The following KSR2 variants were observed in gnomAD, a reference collection of about 807,000 sequenced individuals.
KSR2 encodes the protein kinase suppressor of ras 2.
A neutral mutation model predicts 107.8 loss-of-function variants in KSR2; 25 were observed. That is an observed-to-expected ratio of 0.23 (90% confidence interval 0.17 to 0.32). KSR2 has a LOEUF of 0.32. KSR2 is among the 10% of genes least tolerant of loss of function. KSR2 has a pLI of 1.00. For missense variants in KSR2, 887 were observed against 1,268.9 expected (o/e 0.70, Z 4.57); for synonymous variants, 480 against 507.0 (o/e 0.95, Z 0.71).
chr12:117,941,923 G>A (rs1480624429), intron 1 of KSR2, among the ~76,000 whole-genome samples: 2 of 151,550 alleles, frequency 1.3e-5, no homozygotes, highest in Non-Finnish European at 2.9e-5. Flanking sequence ...GATTACAGGC[G>A]TGAGCCACTG....
intron 3 of KSR2, among the ~76,000 whole-genome samples, chr12:117,852,896 G>A (rs1414890596): frequency 6.6e-6 from 1 of 152,154 alleles, no homozygotes; most frequent in African/African-American, 2.4e-5. Context: ...CCACCTCCCA[G>A]GTTCAAGAGA....
chr12:117,906,966 G>A (rs998447721), intron 1 of KSR2, among the ~76,000 whole-genome samples: 7 of 152,068 alleles, frequency 4.6e-5, no homozygotes, highest in African/African-American at 1.7e-4. Context: ...GCTGCAATGA[G>A]CCATGATCGC....
rs1368681513 is a variant in KSR2 at position 117,842,073 on chromosome 12, G to T, written c.472+13355C>A. Among the ~76,000 whole-genome samples the T allele has an allele frequency of 6.6e-6, 1 of 152,210 alleles. No individual in the cohort carries two copies. The highest frequency in any genetic ancestry group is 2.4e-5 in the African/African-American group (1 of 41,450). On this transcript the variant is annotated intron_variant, in intron 3 of 19. Coordinates refer to ENST00000339824, the MANE Select transcript of KSR2 (RefSeq NM_173598.6). The surrounding 1 kb of genome is among the most constrained non-coding windows in gnomAD (Gnocchi z 4.2). The stretch of plus-strand genomic sequence containing the variant: ...TCCCCAAACCAGCAGCACCAGCGTC[G>T]CCTGGGAACTTGTTAATGCAGATTT...
intron 3 of KSR2, among the ~76,000 whole-genome samples, chr12:117,845,987 C>T (rs1260563851): frequency 1.3e-5 from 2 of 151,778 alleles, no homozygotes; most frequent in East Asian, 3.9e-4. Context: ...ACCGCACCCA[C>T]CCAGAACTGA....
intron 14 of KSR2, among the ~76,000 whole-genome samples, chr12:117,504,556 A>T (rs1394563201): frequency 2.0e-5 from 3 of 152,116 alleles, no homozygotes; most frequent in Non-Finnish European, 4.4e-5. Flanking sequence ...TCTATCTATG[A>T]AGTGTGGAGG....
chr12:117,592,180 C>T (rs1379059486), intron 5 of KSR2, among the ~76,000 whole-genome samples: 11 of 150,794 alleles, frequency 7.3e-5, no homozygotes, highest in Admixed American at 7.3e-4. Context: ...ATGGAGCAAT[C>T]TCCACTCACT....
chr12:117,652,176 C>T (rs573331551), intron 5 of KSR2, among the ~76,000 whole-genome samples: 1 of 151,892 alleles, frequency 6.6e-6, no homozygotes, highest in South Asian at 2.1e-4. Flanking sequence ...GGGAGGGGGG[C>T]GAGGGATGAA....
chr12:117,750,322 A>G (rs2136823221), intron 4 of KSR2, among the ~76,000 whole-genome samples: 1 of 151,332 alleles, frequency 6.6e-6, no homozygotes, highest in Middle Eastern at 3.5e-3. Context: ...ATTTCTCAGG[A>G]GCATACATTT....
chr12:117,843,386 A>C (rs1027765833), intron 3 of KSR2, among the ~76,000 whole-genome samples: 2 of 152,166 alleles, frequency 1.3e-5, no homozygotes, highest in African/African-American at 4.8e-5. Context: ...CTGAGCCCCG[A>C]CCATGTCTCT....
chr12:117,870,923 A>C (rs907589543), intron 1 of KSR2, among the ~76,000 whole-genome samples: 6 of 152,082 alleles, frequency 3.9e-5, no homozygotes, highest in Non-Finnish European at 7.4e-5. Flanking sequence ...GCAGGGAAAA[A>C]CCCAGAAAAC....
At chr12:117,497,809 C>A (rs997866233) in intron 14 of KSR2, among the ~76,000 whole-genome samples, 1 of 152,186 alleles carries the variant, frequency 6.6e-6, no homozygotes, top group Non-Finnish European at 1.5e-5. Flanking sequence ...TTCCAAGGGG[C>A]TCAGCCTTGC....
chr12:117,839,011 C>T (rs570068278), intron 3 of KSR2, among the ~76,000 whole-genome samples: 2 of 152,254 alleles, frequency 1.3e-5, no homozygotes, highest in African/African-American at 2.4e-5. Flanking sequence ...ACTTTATTTA[C>T]AAAAGCAGGT....
intron 3 of KSR2, among the ~76,000 whole-genome samples, chr12:117,809,512 G>A (rs550845233): frequency 4.6e-5 from 7 of 152,262 alleles, no homozygotes; most frequent in South Asian, 2.1e-4. Context: ...TTCACCAATC[G>A]ACATAAATGT....
chr12:117,788,547 G>A (rs565725823), intron 3 of KSR2, among the ~76,000 whole-genome samples: 1 of 152,210 alleles, frequency 6.6e-6, no homozygotes, highest in Non-Finnish European at 1.5e-5. Context: ...CATTGCCCAG[G>A]CGGGAGTGCA....
chr12:117,902,186 T>A (rs1313693240), intron 1 of KSR2, among the ~76,000 whole-genome samples: 1 of 152,112 alleles, frequency 6.6e-6, no homozygotes, highest in Non-Finnish European at 1.5e-5. Context: ...TGGCCGGATG[T>A]GGTGGCTCAC....
In KSR2 at chr12:117,964,879, T is replaced by A. The variant is rs575140824; in HGVS notation, c.180+3197A>T. Reference sequence around the variant, plus strand: ...ATGAACTTTCTTTTCCACCAAAATATCTTCTGACTATGTGCCATGGCTGCC... The same window carrying A: ...ATGAACTTTCTTTTCCACCAAAATAACTTCTGACTATGTGCCATGGCTGCC... On this transcript the variant is annotated intron_variant, in intron 1 of 19. Transcript: ENST00000339824. 2.6e-5 allele frequency among the ~76,000 whole-genome samples: 4 copies of A among 152,320 alleles called. No homozygotes were observed. The East Asian group carries it at 7.7e-4, about 29-fold the overall frequency.
At chr12:117,773,721 G>A (rs917465850) in intron 3 of KSR2, among the ~76,000 whole-genome samples, 1 of 152,108 alleles carries the variant, frequency 6.6e-6, no homozygotes, top group Non-Finnish European at 1.5e-5. Flanking sequence ...ATTGGTAGAA[G>A]AAAAAAACTG....
At chr12:117,585,435 T>A (rs966711734) in intron 5 of KSR2, among the ~76,000 whole-genome samples, 1 of 152,232 alleles carries the variant, frequency 6.6e-6, no homozygotes, top group African/African-American at 2.4e-5. Flanking sequence ...TTGGTCTCAT[T>A]TCCCAATATC....
intron 1 of KSR2, among the ~76,000 whole-genome samples, chr12:117,874,696 T>C (rs975640558): frequency 6.6e-5 from 10 of 151,936 alleles, no homozygotes; most frequent in African/African-American, 2.4e-4. Flanking sequence ...AAACAGACCA[T>C]CAACGGTTGA....
Sources: allele counts gnomAD v4.1 joint callset (sites outside exome capture counted in the v4.1 genomes callset), GRCh38; gene constraint gnomAD v4.1.1; non-coding constraint Gnocchi (gnomAD v3.1); transcripts MANE v1.5; gene names NCBI Gene and HGNC (gene_info 2026-07-23, HGNC 2026-07-21).